The following AUTS2 variants were observed in gnomAD, a reference collection of about 807,000 sequenced individuals.
AUTS2 encodes the protein activator of transcription and developmental regulator AUTS2, also known as autism susceptibility gene 2 protein.
AUTS2 carries 17 observed loss-of-function variants against 112.4 expected under a neutral mutation model. The ratio of observed to expected loss-of-function variants is 0.15; its 90% confidence interval spans 0.10 to 0.23. AUTS2 has a LOEUF of 0.23. Ranked by LOEUF, AUTS2 falls within the 10% of genes least tolerant of loss-of-function variation. The pLI, the probability that AUTS2 is intolerant of heterozygous loss-of-function variation, is 1.00. For missense variants in AUTS2, 1,510 were observed against 1,701.6 expected (o/e 0.89, Z 1.98); for synonymous variants, 751 against 702.7 (o/e 1.07, Z -1.09).
chr7:70,247,175 T>C (rs142385026), intron 4 of AUTS2, among the ~76,000 whole-genome samples: 1 of 152,282 alleles, frequency 6.6e-6, no homozygotes, highest in East Asian at 1.9e-4. Flanking sequence ...CAATGGAATA[T>C]TATTCAGCCT....
rs60221178 is a variant in AUTS2 at position 69,941,611 on chromosome 7, G to A, written c.522+42113G>A. On this transcript the variant is annotated intron_variant, in intron 2 of 18. Transcript: ENST00000342771. ...TTTTTTTTTTGGCTGTGTGACAGGT[G>A]CCTGTGGAGTTTATATTTTGATATT... Among the ~76,000 whole-genome samples, 767 of 150,270 alleles carry A rather than the reference G, an allele frequency of 5.1e-3. 32 individuals are homozygous for A. In the East Asian group the frequency reaches 0.093, roughly 18 times the overall value.
chr7:70,788,107 C>T (rs564588926), intron 18 of AUTS2, among the ~76,000 whole-genome samples: 3 of 151,802 alleles, frequency 2.0e-5, no homozygotes, highest in South Asian at 2.1e-4. Context: ...CAAAGAATAT[C>T]GTAACGCATT....
At chr7:70,112,408 GA>G (rs1281293967) in intron 2 of AUTS2, among the ~76,000 whole-genome samples, 1 of 151,922 alleles carries the variant, frequency 6.6e-6, no homozygotes, top group Non-Finnish European at 1.5e-5. Context: ...ATGTCCCATA[GA>G]TCCTCTAGGT....
intron 4 of AUTS2, among the ~76,000 whole-genome samples, chr7:70,341,242 GC>G (rs1230783334): frequency 2.6e-5 from 4 of 152,168 alleles, no homozygotes; most frequent in African/African-American, 9.7e-5. Flanking sequence ...CGGAGTAACA[GC>G]ATTACATGTG....
intron 1 of AUTS2, among the ~76,000 whole-genome samples, chr7:69,820,119 G>T (rs897549783): frequency 1.3e-5 from 2 of 152,162 alleles, no homozygotes; most frequent in African/African-American, 2.4e-5. Flanking sequence ...TCATATACAT[G>T]CAGGACTGAT....
chr7:70,614,718 T>C (rs183168156), intron 5 of AUTS2, among the ~76,000 whole-genome samples: 63 of 152,338 alleles, frequency 4.1e-4, no homozygotes, highest in Non-Finnish European at 7.3e-4. Context: ...TGGGCTGTGA[T>C]GTTCCTCTCC....
In AUTS2 at chr7:70,651,259, G is replaced by C. The variant is rs371507661; in HGVS notation, c.691-47310G>C. On this transcript the variant is annotated intron_variant, in intron 5 of 18. Coordinates refer to ENST00000342771, the MANE Select transcript of AUTS2 (RefSeq NM_015570.4). Reference sequence around the variant, plus strand: ...CCCAGTGCCCTAGAGTTAGTAAATGGTAAAGCTGGACCCAGGTAATGTGGC... The same window carrying C: ...CCCAGTGCCCTAGAGTTAGTAAATGCTAAAGCTGGACCCAGGTAATGTGGC... Among the ~76,000 whole-genome samples the C allele has an allele frequency of 2.0e-4, 30 of 152,268 alleles. 1 individual carries two copies. The East Asian group carries it at 5.8e-3, about 29-fold the overall frequency.
intron 4 of AUTS2, among the ~76,000 whole-genome samples, chr7:70,331,380 G>T (rs1211088826): frequency 2.6e-5 from 4 of 152,002 alleles, no homozygotes; most frequent in Admixed American, 2.6e-4. Context: ...ATTACTGTGG[G>T]TTCAGTGGTG....
At chr7:69,735,808 G>A (rs1300046264) in intron 1 of AUTS2, among the ~76,000 whole-genome samples, 2 of 152,190 alleles carry the variant, frequency 1.3e-5, no homozygotes, top group Non-Finnish European at 2.9e-5. Context: ...CCAGTGCAGG[G>A]GACTAGCACA....
chr7:69,643,318 C>T (rs1229757033), intron 1 of AUTS2: 1 of 153,590 alleles, frequency 6.5e-6, no homozygotes, highest in African/African-American at 2.4e-5. Context: ...TCACAGGTCC[C>T]TCCCACGCTC....
intron 1 of AUTS2, among the ~76,000 whole-genome samples, chr7:69,697,640 T>C (rs1162919312): frequency 6.6e-6 from 1 of 152,196 alleles, no homozygotes. Context: ...TTTCCTCTCG[T>C]CCTTGACTTT....
chr7:69,757,555 A>G (rs1002825915), intron 1 of AUTS2, among the ~76,000 whole-genome samples: 3 of 152,206 alleles, frequency 2.0e-5, no homozygotes, highest in South Asian at 2.1e-4. Flanking sequence ...GCAATACACA[A>G]TGTGTTTCTG....
intron 5 of AUTS2, among the ~76,000 whole-genome samples, chr7:70,509,792 C>T (rs1338137619): frequency 6.6e-6 from 1 of 152,166 alleles, no homozygotes; most frequent in African/African-American, 2.4e-5. Flanking sequence ...TTGTTTGAGA[C>T]AATGCCCTTC....
In AUTS2 at chr7:70,027,360, G is replaced by A. The variant is rs1274302723; in HGVS notation, c.523-90772G>A. Among the ~76,000 whole-genome samples the A allele has an allele frequency of 2.0e-5, 3 of 151,986 alleles. No homozygotes were observed. In the East Asian group the frequency reaches 5.8e-4, roughly 29 times the overall value. On this transcript the variant is annotated intron_variant, in intron 2 of 18. Coordinates refer to ENST00000342771, the MANE Select transcript of AUTS2 (RefSeq NM_015570.4). ...ATCTTTTATTGGCCCCTCTTTCTTG[G>A]ATATCCTTTACATGTTTATATTTGT...
chr7:70,785,380 C>T (rs1290891548), intron 16 of AUTS2: 3 of 519,556 alleles, frequency 5.8e-6, no homozygotes, highest in South Asian at 1.5e-5. Context: ...CAAAGGTCAC[C>T]TCTAGGAAGC....
chr7:70,087,526 C>T (rs576585950), intron 2 of AUTS2, among the ~76,000 whole-genome samples: 72 of 151,826 alleles, frequency 4.7e-4, no homozygotes, highest in African/African-American at 1.1e-3. Context: ...CCCACCACCA[C>T]GCCTGGCTAA....
chr7:69,614,348 C>CTTTTCTTTCT lies in AUTS2; in HGVS notation c.309+14389_309+14390insTCTTTCTTTT, dbSNP rs1220418611. On this transcript the variant is annotated intron_variant, in intron 1 of 18. Transcript: ENST00000342771. ...TCTTTCTTTCTTTCTTTCTTTCTTT[C>CTTTTCTTTCT]TTTCTTTCTTTCTTTCTTTTTTTAA... 2.2e-3 allele frequency among the ~76,000 whole-genome samples: 170 copies of CTTTTCTTTCT among 78,528 alleles called. 5 individuals carry two copies. Among genetic ancestry groups the CTTTTCTTTCT allele is most frequent in the South Asian group, 0.021 (46 of 2,160 alleles). The allele number at this position is 78,528 out of a possible 152,430, so 51.5% of individuals were successfully genotyped here.
rs188124463 is a variant in AUTS2 at position 70,731,579 on chromosome 7, G to A, written c.743-31291G>A. On this transcript the variant is annotated intron_variant, in intron 6 of 18. Transcript: ENST00000342771. ...TGAGTAGCTGGTACTACAGGTGCCC[G>A]CCACCATGCCCGGCTAATTTTTTAT... 9.1e-3 allele frequency among the ~76,000 whole-genome samples: 1,377 copies of A among 151,452 alleles called. 15 individuals are homozygous for A. The highest frequency in any genetic ancestry group is 0.031 in the African/African-American group (1,298 of 41,316).
intron 1 of AUTS2, among the ~76,000 whole-genome samples, chr7:69,697,064 T>C (rs944076922): frequency 3.9e-5 from 6 of 152,242 alleles, no homozygotes; most frequent in Admixed American, 1.3e-4. Flanking sequence ...CAAACTTTAC[T>C]TTTCATTAAA....
Sources: allele counts gnomAD v4.1 joint callset (sites outside exome capture counted in the v4.1 genomes callset), GRCh38; gene constraint gnomAD v4.1.1; transcripts MANE v1.5; gene names NCBI Gene and HGNC (gene_info 2026-07-23, HGNC 2026-07-21).